Variants in CNTNAP3B observed in about 807,000 individuals in gnomAD.
CNTNAP3B encodes contactin-associated protein-like 3B.
CNTNAP3B carries 25 observed loss-of-function variants against 108.9 expected under a neutral mutation model. The ratio of observed to expected loss-of-function variants is 0.23; its 90% CI spans 0.17 to 0.32. The LOEUF is 0.32. Among genes scored for constraint, CNTNAP3B ranks in the 10% least tolerant of loss-of-function variants. The pLI, the probability that CNTNAP3B is intolerant of heterozygous loss-of-function variation, is 1.00. For missense variants in CNTNAP3B, 252 were observed against 1,210.4 expected (o/e 0.21, Z 11.75); for synonymous variants, 103 against 473.4 (o/e 0.22, Z 10.16).
intron 18 of CNTNAP3B, among the ~76,000 whole-genome samples, chr9:41,917,936 C>A (rs1823562810): frequency 6.6e-6 from 1 of 152,300 alleles, no homozygotes; most frequent in Non-Finnish European, 1.5e-5. Context: ...GGGAGAGGGT[C>A]TTGGCTTAAA....
intron 3 of CNTNAP3B, among the ~76,000 whole-genome samples, chr9:42,030,750 C>CAGAGAGACAGAGAG (rs1335836899): frequency 3.3e-5 from 2 of 60,404 alleles, no homozygotes; most frequent in African/African-American, 1.5e-4. Context: ...GAAAGAGATA[C>CAGAGAGACAGAGAG]AGAGAGAGAG....
rs1479458873 is a variant in CNTNAP3B at position 41,943,152 on chromosome 9, A to G, written c.2081-4752T>C. Among the ~76,000 whole-genome samples, 1,004 of 152,098 alleles carry G rather than the reference A, an allele frequency of 6.6e-3. 1 individual carries two copies. Among genetic ancestry groups the G allele is most frequent in the African/African-American group, 0.023 (963 of 41,296 alleles). ...ATAAACAAAGATATGAAATCTCAAA[A>G]TCAGAAGGAAATACAGAGATTAAAA... On this transcript the variant is annotated intron_variant, in intron 13 of 23. Coordinates refer to ENST00000377561, the MANE Select transcript of CNTNAP3B (RefSeq NM_001201380.3).
chr9:41,941,327 CAT>C (rs1824336161), intron 13 of CNTNAP3B, among the ~76,000 whole-genome samples: 1 of 139,218 alleles, frequency 7.2e-6, no homozygotes, highest in Admixed American at 7.1e-5. Context: ...TCAAAATAAA[CAT>C]AGGCAGGTTA....
At chr9:41,954,660 A>G (rs1251366819) in intron 12 of CNTNAP3B, among the ~76,000 whole-genome samples, 1 of 152,206 alleles carries the variant, frequency 6.6e-6, no homozygotes, top group African/African-American at 2.4e-5. Context: ...ATATTGCTCT[A>G]TTTTTTTATT....
chr9:41,942,213 C>A (rs1217857449), intron 13 of CNTNAP3B, among the ~76,000 whole-genome samples: 1 of 152,272 alleles, frequency 6.6e-6, no homozygotes, highest in South Asian at 2.1e-4. Context: ...CGGTGGCTCA[C>A]GCCTGTAATC....
Position 41,954,978 on chromosome 9 carries a change from G to A in CNTNAP3B, c.1877-1592C>T, listed in dbSNP as rs1435303673. On this transcript the variant is annotated intron_variant, in intron 12 of 23. Transcript: ENST00000377561. ...TGGGATTACAGGTGTGAGCCACCAC[G>A]CCTGGCCTCATTTTAGAATTTTTAC... 6.7e-4 allele frequency among the ~76,000 whole-genome samples: 101 copies of A among 151,698 alleles called. No individual in the cohort carries two copies. The East Asian group carries it at 7.2e-3, about 11-fold the overall frequency.
chr9:42,113,894 A>C (rs1298501141), intron 1 of CNTNAP3B, among the ~76,000 whole-genome samples: 2 of 139,304 alleles, frequency 1.4e-5, no homozygotes, highest in South Asian at 2.3e-4. Context: ...GTATCAAAAC[A>C]TCTCATGTAG....
intron 1 of CNTNAP3B, among the ~76,000 whole-genome samples, chr9:42,119,379 A>C (rs1828404584): frequency 7.5e-6 from 1 of 133,834 alleles, no homozygotes; most frequent in Non-Finnish European, 1.6e-5. Flanking sequence ...AGGAAGAATC[A>C]GTATCATGAA....
intron 1 of CNTNAP3B, among the ~76,000 whole-genome samples, chr9:42,117,742 G>T (rs1227529660): frequency 2.9e-5 from 4 of 136,282 alleles, no homozygotes; most frequent in Non-Finnish European, 4.7e-5. Flanking sequence ...CCAAGAGCTG[G>T]TTTTTTGGAA....
At chr9:42,024,180 C>T (rs891378684) in intron 3 of CNTNAP3B, among the ~76,000 whole-genome samples, 3 of 131,388 alleles carry the variant, frequency 2.3e-5, no homozygotes, top group African/African-American at 3.0e-5. Context: ...TTTATTACAG[C>T]TCATTTTCCT....
At chr9:41,962,259 T>G (rs1371862578) in intron 11 of CNTNAP3B, among the ~76,000 whole-genome samples, 6 of 152,378 alleles carry the variant, frequency 3.9e-5, no homozygotes, top group African/African-American at 1.4e-4. Flanking sequence ...CCTATTCAAC[T>G]AGGTGTGGCA....
At chr9:42,041,406 C>T (rs1170442683) in intron 3 of CNTNAP3B, among the ~76,000 whole-genome samples, 23 of 151,566 alleles carry the variant, frequency 1.5e-4, no homozygotes, top group Non-Finnish European at 2.9e-4. Flanking sequence ...AATCAAACAA[C>T]CCCATCAGAA....
rs546273068 is a variant in CNTNAP3B, at chr9:42,086,447, T to C, written c.197-9385A>G. Among the ~76,000 whole-genome samples the C allele has an allele frequency of 5.0e-3, 724 of 143,430 alleles. 28 individuals are homozygous for C. The highest frequency in any genetic ancestry group is 0.018 in the African/African-American group (685 of 37,172). 94.1% of individuals were successfully genotyped at this position (143,430 alleles called of 152,430 possible). On this transcript the variant is annotated intron_variant, in intron 2 of 23. Transcript: ENST00000377561. ...TTGCATTTACTTTTTTTTTTTACAT[T>C]TTTTTTTACATTTTACAACAGGCGG...
At position 41,972,491 on chromosome 9, in the gene CNTNAP3B, T is replaced by C. The variant is rs1052318126; in HGVS notation, c.1478-2246A>G. ...AAAGTTCCATAAAAATTAAATGTTGTGTTTAGATTTCCATTTTAATAACTG... is the reference window on the plus strand; with the variant it reads ...AAAGTTCCATAAAAATTAAATGTTGCGTTTAGATTTCCATTTTAATAACTG... On this transcript the variant is annotated intron_variant, in intron 9 of 23. Coordinates refer to ENST00000377561, the MANE Select transcript of CNTNAP3B (RefSeq NM_001201380.3). 8.7e-5 allele frequency among the ~76,000 whole-genome samples: 12 copies of C among 137,148 alleles called. 2 individuals carry two copies. Among genetic ancestry groups the C allele is most frequent in the African/African-American group, 2.9e-4 (10 of 34,310 alleles). The allele number at this position is 137,148 out of a possible 152,430, so 90.0% of individuals were successfully genotyped here. A position where few individuals can be genotyped will look rare whatever the true frequency, so the allele number is the denominator to read the frequency against.
chr9:41,999,654 G>C (rs942399290), intron 4 of CNTNAP3B, among the ~76,000 whole-genome samples: 1 of 77,722 alleles, frequency 1.3e-5, no homozygotes, highest in Non-Finnish European at 2.4e-5. Context: ...TGGATGCTTT[G>C]TTGAGAGAGC....
At position 42,121,827 on chromosome 9, in the gene CNTNAP3B, G is replaced by A. The variant is rs1397891413; in HGVS notation, c.85+7183C>T. 8.5e-5 allele frequency among the ~76,000 whole-genome samples: 12 copies of A among 140,724 alleles called. 3 individuals carry two copies. Among genetic ancestry groups the A allele is most frequent in the Middle Eastern group, 3.4e-3 (1 of 290 alleles). The allele number at this position is 140,724 out of a possible 152,430, so 92.3% of individuals were successfully genotyped here. On this transcript the variant is annotated intron_variant, in intron 1 of 23. Coordinates refer to ENST00000377561, the MANE Select transcript of CNTNAP3B (RefSeq NM_001201380.3). Reference sequence around the variant, plus strand: ...ACAGACAAGTACACTGTGAAGAACCGTGAGGAGAGATTTTAACCTACTTGC... The same window carrying A: ...ACAGACAAGTACACTGTGAAGAACCATGAGGAGAGATTTTAACCTACTTGC...
chr9:41,973,240 C>T lies in CNTNAP3B; in HGVS notation c.1478-2995G>A, dbSNP rs1393900196. Among the ~76,000 whole-genome samples the T allele has an allele frequency of 1.2e-4, 18 of 145,312 alleles. 1 individual carries two copies. The highest frequency in any genetic ancestry group is 2.3e-4 in the Non-Finnish European group (15 of 65,984). On this transcript the variant is annotated intron_variant, in intron 9 of 23. Coordinates refer to ENST00000377561, the MANE Select transcript of CNTNAP3B (RefSeq NM_001201380.3). Reference sequence around the variant, plus strand: ...GGGATTACAGGCATAAGCCACAGCGCCCAGCCAGGTTATTCTTAAAAGAAA... The same window carrying T: ...GGGATTACAGGCATAAGCCACAGCGTCCAGCCAGGTTATTCTTAAAAGAAA...
chr9:41,960,371 A>G (rs201713953), intron 12 of CNTNAP3B: 1 of 157,886 alleles, frequency 6.3e-6, no homozygotes, highest in Non-Finnish European at 1.3e-5. Context: ...AAATTATATG[A>G]CATAAAAATC....
At chr9:41,937,114 T>TTTATTA (rs373324080) in intron 14 of CNTNAP3B, among the ~76,000 whole-genome samples, 3,094 of 141,400 alleles carry the variant, frequency 0.022, 4 homozygotes, top group East Asian at 0.053. Context: ...TATTTATTAA[T>TTTATTA]TTATTATTAT....
Sources: allele counts gnomAD v4.1 joint callset (sites outside exome capture counted in the v4.1 genomes callset), GRCh38; gene constraint gnomAD v4.1.1; transcripts MANE v1.5; gene names NCBI Gene and HGNC (gene_info 2026-07-23, HGNC 2026-07-21).